The following TAFA2 variants were observed in gnomAD, a reference collection of about 807,000 sequenced individuals.
TAFA2 encodes TAFA chemokine like family member 2.
In TAFA2, 7 loss-of-function variants were observed where a neutral mutation model predicts 18.8. The ratio of observed to expected loss-of-function variants is 0.37; its 90% confidence interval spans 0.21 to 0.70. The LOEUF is 0.70. Ranked by LOEUF, TAFA2 falls within the 30% of genes least tolerant of loss-of-function variation. The pLI is 0.53. For missense variants in TAFA2, 122 were observed against 158.1 expected (o/e 0.77, Z 1.23); for synonymous variants, 60 against 54.2 (o/e 1.11, Z -0.47).
At chr12:61,801,091 A>G (rs1161457043) in intron 2 of TAFA2, among the ~76,000 whole-genome samples, 1 of 150,924 alleles carries the variant, frequency 6.6e-6, no homozygotes, top group Admixed American at 6.6e-5. Flanking sequence ...TGCAGTGAAC[A>G]CTACAGAAAA....
At chr12:62,087,288 A>G (rs745717954) in intron 1 of TAFA2, among the ~76,000 whole-genome samples, 6 of 152,148 alleles carry the variant, frequency 3.9e-5, no homozygotes, top group Non-Finnish European at 8.8e-5. Context: ...AATGGTTAAA[A>G]TGGTAAATTT....
chr12:61,879,694 C>G, intron 1 of TAFA2: 1 of 1,110,032 alleles, frequency 9.0e-7, no homozygotes. Context: ...CCAAGTGGAG[C>G]CTCCTGCAGC....
chr12:62,144,513 G>A (rs1429471950), intron 1 of TAFA2, among the ~76,000 whole-genome samples: 1 of 151,858 alleles, frequency 6.6e-6, no homozygotes, highest in East Asian at 1.9e-4. Context: ...ATTTTTTCAA[G>A]AACCAGCACA....
rs138903023 is a variant in TAFA2 at position 61,873,459 on chromosome 12, A to G, written c.-1-6033T>C. On this transcript the variant is annotated intron_variant, in intron 1 of 4. Transcript: ENST00000416284. The stretch of plus-strand genomic sequence containing the variant: ...AGTGGTGGCTAGAGAGATTTAAACA[A>G]GTCAACAGAGCCAAAAGAAAGGGAG... Among the ~76,000 whole-genome samples, 8 of 152,254 alleles carry G rather than the reference A, an allele frequency of 5.3e-5. No homozygotes were observed. In the East Asian group the frequency reaches 1.5e-3, roughly 29 times the overall value.
intron 1 of TAFA2, among the ~76,000 whole-genome samples, chr12:62,090,424 G>GA (rs1868659797): frequency 6.6e-6 from 1 of 152,016 alleles, no homozygotes; most frequent in Non-Finnish European, 1.5e-5. Flanking sequence ...TTCTACTTTA[G>GA]AAAAATAGGA....
intron 1 of TAFA2, among the ~76,000 whole-genome samples, chr12:62,135,044 T>C (rs1870840983): frequency 6.6e-6 from 1 of 152,056 alleles, no homozygotes; most frequent in Non-Finnish European, 1.5e-5. Flanking sequence ...AACCCCCTAC[T>C]ATTCACTGCA....
intron 1 of TAFA2, among the ~76,000 whole-genome samples, chr12:62,081,460 TG>T (rs1279414739): frequency 6.8e-6 from 1 of 148,136 alleles, no homozygotes; most frequent in Non-Finnish European, 1.5e-5. Flanking sequence ...TTCTTCAACT[TG>T]TTTTTTTTGT....
intron 2 of TAFA2, among the ~76,000 whole-genome samples, chr12:61,832,775 C>CT (rs1246381058): frequency 6.6e-6 from 1 of 151,816 alleles, no homozygotes; most frequent in African/African-American, 2.4e-5. Context: ...CTATCATAAT[C>CT]TTTTTTAAGT....
intron 2 of TAFA2, among the ~76,000 whole-genome samples, chr12:61,842,916 T>C (rs1343553730): frequency 6.6e-6 from 1 of 152,066 alleles, no homozygotes; most frequent in East Asian, 1.9e-4. Flanking sequence ...TCAGATTTAG[T>C]GTATGACTGC....
chr12:62,049,517 T>C (rs1881994799), intron 1 of TAFA2, among the ~76,000 whole-genome samples: 1 of 152,032 alleles, frequency 6.6e-6, no homozygotes, highest in Non-Finnish European at 1.5e-5. Context: ...AAGCACATAG[T>C]GGGGAGAGCA....
chr12:62,106,347 A>G (rs541061495), intron 1 of TAFA2, among the ~76,000 whole-genome samples: 2 of 152,182 alleles, frequency 1.3e-5, no homozygotes, highest in East Asian at 1.9e-4. Flanking sequence ...AAAGAACAAA[A>G]AACAAAAAAC....
chr12:61,762,151 C>A (rs1005017228), intron 2 of TAFA2, among the ~76,000 whole-genome samples: 11 of 152,022 alleles, frequency 7.2e-5, no homozygotes, highest in African/African-American at 2.7e-4. Flanking sequence ...AACCTCTTTT[C>A]TTTATAAATT....
chr12:61,881,428 G>T (rs994055464), intron 1 of TAFA2, among the ~76,000 whole-genome samples: 1 of 152,116 alleles, frequency 6.6e-6, no homozygotes, highest in Non-Finnish European at 1.5e-5. Flanking sequence ...TTGTGTGTCT[G>T]AGCATATCTA....
At chr12:61,903,710 T>C (rs1251340916) in intron 1 of TAFA2, among the ~76,000 whole-genome samples, 1 of 152,218 alleles carries the variant, frequency 6.6e-6, no homozygotes, top group Admixed American at 6.5e-5. Context: ...TTGCGTGCTA[T>C]TCTTTAATTT....
intron 1 of TAFA2, among the ~76,000 whole-genome samples, chr12:62,173,486 A>C (rs1046449457): frequency 6.6e-6 from 1 of 152,214 alleles, no homozygotes; most frequent in Non-Finnish European, 1.5e-5. Context: ...TTCTAAACTG[A>C]AAGTACATAG....
chr12:62,231,318 C>T (rs1347748794), intron 1 of TAFA2, among the ~76,000 whole-genome samples: 1 of 152,052 alleles, frequency 6.6e-6, no homozygotes, highest in East Asian at 1.9e-4. Context: ...TACTCTTGGC[C>T]TCTTTATCAT....
At chr12:61,809,055 G>A (rs1871749043) in intron 2 of TAFA2, among the ~76,000 whole-genome samples, 1 of 151,548 alleles carries the variant, frequency 6.6e-6, no homozygotes, top group East Asian at 1.9e-4. Context: ...AGTCACAGAT[G>A]ACACCCAAGT....
At chr12:61,975,754 G>C (rs1010131368) in intron 1 of TAFA2, among the ~76,000 whole-genome samples, 1 of 151,732 alleles carries the variant, frequency 6.6e-6, no homozygotes, top group East Asian at 1.9e-4. Context: ...GTTGGTTAAG[G>C]GTACAAACTT....
In TAFA2 at chr12:62,105,779, G is replaced by A. The variant is rs550697908; in HGVS notation, c.-2+85480C>T. Among the ~76,000 whole-genome samples the A allele has an allele frequency of 3.4e-4, 52 of 152,246 alleles. 1 individual carries two copies. The highest frequency in any genetic ancestry group is 1.3e-3 in the African/African-American group (52 of 41,552). ...TAGCATTAAGAGGGATGTGTAATAC[G>A]AATCAATAGCCAAATAAAACAAAAC... On this transcript the variant is annotated intron_variant, in intron 1 of 4. Transcript: ENST00000416284.
Sources: allele counts gnomAD v4.1 joint callset (sites outside exome capture counted in the v4.1 genomes callset), GRCh38; gene constraint gnomAD v4.1.1; transcripts MANE v1.5; gene names NCBI Gene and HGNC (gene_info 2026-07-23, HGNC 2026-07-21).